The following TENM4 variants were observed in gnomAD, a reference collection of about 807,000 sequenced individuals.
TENM4 encodes teneurin-4.
A neutral mutation model predicts 243.3 loss-of-function variants in TENM4; 82 were observed. The observed-to-expected ratio is 0.34, with a 90% CI of 0.28 to 0.40. The LOEUF (loss-of-function observed/expected upper bound fraction) is 0.40. TENM4 is among the 10% of genes least tolerant of loss of function. TENM4 has a pLI of 1.00. For missense variants in TENM4, 3,138 were observed against 3,673.3 expected (o/e 0.85, Z 3.77); for synonymous variants, 1,412 against 1,456.3 (o/e 0.97, Z 0.69).
At chr11:79,060,139 T>C (rs1287272355) in intron 6 of TENM4, among the ~76,000 whole-genome samples, 3 of 152,188 alleles carry the variant, frequency 2.0e-5, no homozygotes, top group Non-Finnish European at 2.9e-5. Context: ...CTCTGCTTTC[T>C]AAAAAACATC....
chr11:79,206,213 C>A (rs1489095308), intron 3 of TENM4, among the ~76,000 whole-genome samples: 3 of 152,132 alleles, frequency 2.0e-5, no homozygotes, highest in Non-Finnish European at 4.4e-5. Context: ...TCTAGAAATG[C>A]CCCTATGTTC....
rs781457620 is a variant in TENM4 at position 78,672,230 on chromosome 11, C to T, written c.5596G>A (p.Asp1866Asn). ...HRKFTLRILYDQAGRPSLWSP... is the reference protein window; with the variant it reads ...HRKFTLRILYNQAGRPSLWSP... The stretch of plus-strand genomic sequence containing the variant: ...CAGAGGCTGGGCCGCCCCGCCTGGT[C>T]GTACAGAATCCGAAGGGTGAACTTG... Residue 1866 changes from aspartate to asparagine, a missense_variant, in exon 31 of 34, where the codon GAC (aspartate) becomes AAC (asparagine). This residue lies in a region of TENM4 where 2,467 missense variants were observed against 3,059.1 expected (regional missense o/e 0.81). Coordinates refer to ENST00000278550, the MANE Select transcript of TENM4 (RefSeq NM_001098816.3). 13 of 1,613,914 alleles carry T rather than the reference C, an allele frequency of 8.1e-6. No individual in the cohort carries two copies. The highest frequency in any genetic ancestry group is 4.4e-5 in the South Asian group (4 of 91,068).
At chr11:78,803,695 A>T (rs1480943250) in intron 15 of TENM4, among the ~76,000 whole-genome samples, 1 of 152,174 alleles carries the variant, frequency 6.6e-6, no homozygotes, top group Non-Finnish European at 1.5e-5. Flanking sequence ...ATCTCATCCA[A>T]AGTTATACGT....
chr11:78,879,399 G>C (rs1386833203), intron 9 of TENM4, among the ~76,000 whole-genome samples: 268 of 150,230 alleles, frequency 1.8e-3, no homozygotes, highest in African/African-American at 6.2e-3. Flanking sequence ...GCCCTGTCTG[G>C]GAGGTGGGGA....
rs148277741 is a variant in TENM4, at chr11:78,825,701, C to G, written c.1682-11306G>C. On this transcript the variant is annotated intron_variant, in intron 12 of 33. Coordinates refer to ENST00000278550, the MANE Select transcript of TENM4 (RefSeq NM_001098816.3). ...GAATAGCTCTTAAAGAATATACAGG[C>G]TTTTGAAATGCAAAGCAGTTCTGGG... 3.0e-3 allele frequency among the ~76,000 whole-genome samples: 452 copies of G among 152,282 alleles called. 2 individuals are homozygous for G. The highest frequency in any genetic ancestry group is 0.011 in the African/African-American group (438 of 41,558).
At chr11:78,698,586 T>C (rs1859030401) in intron 28 of TENM4, among the ~76,000 whole-genome samples, 1 of 152,258 alleles carries the variant, frequency 6.6e-6, no homozygotes, top group African/African-American at 2.4e-5. Context: ...TAATGGTTCA[T>C]TGGCAAAATC....
intron 3 of TENM4, among the ~76,000 whole-genome samples, chr11:79,155,732 CCTTCCTTCT>C (rs757765017): frequency 5.4e-5 from 8 of 147,970 alleles, no homozygotes; most frequent in Non-Finnish European, 1.0e-4. Flanking sequence ...TCCCTCCGTC[CCTTCCTTCT>C]CTTCCTTCTC....
At chr11:79,225,047 A>G (rs1411043928) in intron 2 of TENM4, among the ~76,000 whole-genome samples, 2 of 152,172 alleles carry the variant, frequency 1.3e-5, no homozygotes. Context: ...GTCCCAAGCC[A>G]AAGAAACAGC....
At chr11:79,121,473 A>G (rs1441677142) in intron 4 of TENM4, among the ~76,000 whole-genome samples, 1 of 152,082 alleles carries the variant, frequency 6.6e-6, no homozygotes, top group Non-Finnish European at 1.5e-5. Context: ...TACTGAAAAG[A>G]CTCTGGGTTC....
rs190986759 is a variant in TENM4 at position 79,259,856 on chromosome 11, C to A, written c.-265+37632G>T. ...CTCTTTTGTTGTCATTTACTGTAGT[C>A]ACGCAAGATGGGTTAATATCACATC... On this transcript the variant is annotated intron_variant, in intron 2 of 33. Transcript: ENST00000278550. Among the ~76,000 whole-genome samples the A allele has an allele frequency of 4.4e-4, 67 of 152,332 alleles. 1 individual carries two copies. The highest frequency in any genetic ancestry group is 1.5e-3 in the Admixed American group (23 of 15,312).
chr11:79,436,504 C>A (rs999805060), intron 1 of TENM4, among the ~76,000 whole-genome samples: 1 of 152,196 alleles, frequency 6.6e-6, no homozygotes, highest in Non-Finnish European at 1.5e-5. Context: ...TCACCTTACT[C>A]CCACAAAACC....
chr11:78,887,250 C>T (rs1214141074), intron 9 of TENM4, among the ~76,000 whole-genome samples: 1 of 152,198 alleles, frequency 6.6e-6, no homozygotes, highest in Non-Finnish European at 1.5e-5. Context: ...TCTTTGTAAG[C>T]TCCCTTGCTT....
intron 7 of TENM4, among the ~76,000 whole-genome samples, chr11:78,892,228 C>G (rs1020720623): frequency 2.6e-5 from 4 of 152,244 alleles, no homozygotes; most frequent in African/African-American, 9.6e-5. Context: ...TGCTGAGTGA[C>G]ATGATTCACA....
At chr11:78,745,793 T>C (rs1354287848) in intron 19 of TENM4, among the ~76,000 whole-genome samples, 1 of 152,250 alleles carries the variant, frequency 6.6e-6, no homozygotes, top group Non-Finnish European at 1.5e-5. Context: ...TGTGACTTTT[T>C]TGTATACAAA....
At chr11:78,915,233 T>C (rs528970001) in intron 6 of TENM4, among the ~76,000 whole-genome samples, 140 of 152,330 alleles carry the variant, frequency 9.2e-4, no homozygotes, top group African/African-American at 3.3e-3. Flanking sequence ...TAACTCAGAT[T>C]AGAAGTTTCC....
intron 6 of TENM4, among the ~76,000 whole-genome samples, chr11:79,006,715 C>G (rs1020622564): frequency 6.6e-6 from 1 of 152,130 alleles, no homozygotes; most frequent in Non-Finnish European, 1.5e-5. Flanking sequence ...TCTTTTGTTA[C>G]AAAGAATAGA....
At chr11:78,730,886 T>C (rs1164331931) in intron 21 of TENM4, among the ~76,000 whole-genome samples, 1 of 152,106 alleles carries the variant, frequency 6.6e-6, no homozygotes, top group Non-Finnish European at 1.5e-5. Flanking sequence ...AGCTTATAAG[T>C]TTGAGGCAAA....
chr11:78,744,485 G>T (rs1398635990), intron 19 of TENM4, among the ~76,000 whole-genome samples: 1 of 152,186 alleles, frequency 6.6e-6, no homozygotes. Flanking sequence ...CAGACTTGTG[G>T]GGAGCCAGGA....
At chr11:79,403,028 T>C (rs1313390769) in intron 1 of TENM4, among the ~76,000 whole-genome samples, 1 of 152,256 alleles carries the variant, frequency 6.6e-6, no homozygotes, top group Non-Finnish European at 1.5e-5. Flanking sequence ...ACATTTTATT[T>C]TCCCTTCTGG....
Sources: allele counts gnomAD v4.1 joint callset (sites outside exome capture counted in the v4.1 genomes callset), GRCh38; gene constraint gnomAD v4.1.1; regional missense constraint gnomAD v4.1.1; transcripts MANE v1.5; gene names NCBI Gene and HGNC (gene_info 2026-07-23, HGNC 2026-07-21).